Variants in TMEM63C observed in about 807,000 individuals in gnomAD.
TMEM63C encodes transmembrane protein 63C, also known as osmosensitive cation channel TMEM63C.
In TMEM63C, 32 loss-of-function variants were observed where a neutral mutation model predicts 99.2. The ratio of observed to expected loss-of-function variants is 0.32; its 90% CI spans 0.24 to 0.43. TMEM63C has a LOEUF of 0.43. Among genes scored for constraint, TMEM63C ranks in the 20% least tolerant of loss-of-function variants. The pLI, the probability that TMEM63C is intolerant of heterozygous loss-of-function variation, is 1.00. For synonymous variants in TMEM63C, 376 were observed against 397.9 expected, an observed-to-expected ratio of 0.94 and a Z score of 0.66; for missense variants, 826 against 1,053.0, an observed-to-expected ratio of 0.78 and a Z score of 2.98.
chr14:77,225,350 C>T (rs377468), intron 5 of TMEM63C, 74 bp from the exon 6 acceptor site: 306,264 of 1,485,186 alleles, frequency 0.21, 32,544 homozygotes, highest in South Asian at 0.22. Flanking sequence ...ATGACCTGGC[C>T]GCCTGGGTTC....
chr14:77,255,850 C>T (rs1889452082), intron 23 of TMEM63C, among the ~76,000 whole-genome samples: 1 of 152,236 alleles, frequency 6.6e-6, no homozygotes. Context: ...TGTAGGAAAA[C>T]CGTTCCTTCA....
chr14:77,183,369 G>T (rs1335675377), intron 1 of TMEM63C, among the ~76,000 whole-genome samples: 1 of 152,226 alleles, frequency 6.6e-6, no homozygotes, highest in Non-Finnish European at 1.5e-5. Flanking sequence ...AACAGCACCA[G>T]CATTTTCTCC....
chr14:77,197,955 C>T (rs1391210699), intron 1 of TMEM63C, among the ~76,000 whole-genome samples: 1 of 152,212 alleles, frequency 6.6e-6, no homozygotes, highest in African/African-American at 2.4e-5. Flanking sequence ...ATAGCCTGGC[C>T]AGGAGCGGAC....
intron 2 of TMEM63C, among the ~76,000 whole-genome samples, chr14:77,215,225 T>C (rs1594855902): frequency 6.6e-6 from 1 of 152,226 alleles, no homozygotes; most frequent in East Asian, 1.9e-4. Context: ...TCTACCTTTT[T>C]TTCCTGTCAC....
chr14:77,242,869 T>C, intron 14 of TMEM63C, 34 bp from the exon 15 acceptor site: 1 of 1,613,738 alleles, frequency 6.2e-7, no homozygotes, highest in Non-Finnish European at 8.5e-7. Flanking sequence ...AACTGATGTC[T>C]CTAAATGTGC....
intron 1 of TMEM63C, among the ~76,000 whole-genome samples, chr14:77,190,264 TG>T (rs1260126872): frequency 6.6e-6 from 1 of 152,100 alleles, no homozygotes; most frequent in Non-Finnish European, 1.5e-5. Flanking sequence ...CAATAATCAC[TG>T]AAGAAACTGA....
chr14:77,205,291 A>G (rs1217129795), intron 1 of TMEM63C, among the ~76,000 whole-genome samples: 1 of 152,222 alleles, frequency 6.6e-6, no homozygotes. Flanking sequence ...AGCTGATTCC[A>G]TCACAGCCTG....
At chr14:77,238,931 C>T (rs940842565) in intron 10 of TMEM63C, among the ~76,000 whole-genome samples, 164 bp downstream of exon 10, 15 of 152,114 alleles carry the variant, frequency 9.9e-5, no homozygotes, top group African/African-American at 2.2e-4. Context: ...TGGGGAGGGC[C>T]GCTGGAGCTG....
intron 1 of TMEM63C, among the ~76,000 whole-genome samples, chr14:77,199,226 G>A (rs189896146): frequency 1.4e-4 from 21 of 152,224 alleles, no homozygotes; most frequent in Admixed American, 4.6e-4. Context: ...TGAGAGGCCC[G>A]GGGGCTCAGA....
Position 77,200,906 on chromosome 14 carries a change from C to G in TMEM63C, c.-76-12540C>G, listed in dbSNP as rs917823536. 2.0e-5 allele frequency: 3 copies of G among 151,614 alleles called. No individual in the cohort carries two copies. The East Asian group carries it at 5.8e-4, about 29-fold the overall frequency. 9.4% of individuals were successfully genotyped at this position (151,614 alleles called of 1,614,324 possible). Reference sequence around the variant, plus strand: ...GGTGATGTGAGGACACAGGTGCTCTCGTGCTTCCAGAGTCTTAGCACAGCA... The same window carrying G: ...GGTGATGTGAGGACACAGGTGCTCTGGTGCTTCCAGAGTCTTAGCACAGCA... On this transcript the variant is annotated intron_variant, in intron 1 of 23. Coordinates refer to ENST00000298351, the MANE Select transcript of TMEM63C (RefSeq NM_020431.4).
At chr14:77,182,999 GC>G (rs1453810159) in intron 1 of TMEM63C, among the ~76,000 whole-genome samples, 1 of 152,072 alleles carries the variant, frequency 6.6e-6, no homozygotes, top group Non-Finnish European at 1.5e-5. Context: ...TCTCTCTCCG[GC>G]CCCTGTCCCT....
chr14:77,210,364 A>T (rs189852375), intron 1 of TMEM63C, among the ~76,000 whole-genome samples: 61 of 152,244 alleles, frequency 4.0e-4, no homozygotes, highest in Non-Finnish European at 4.0e-4. Flanking sequence ...GCCTTAAGCA[A>T]ATCTCCATGT....
intron 21 of TMEM63C, among the ~76,000 whole-genome samples, chr14:77,251,000 G>A (rs767749725): frequency 1.3e-5 from 2 of 152,182 alleles, no homozygotes; most frequent in Admixed American, 6.5e-5. Context: ...AACATTGAGA[G>A]GGAGCAGTTG....
chr14:77,229,291 G>A (rs540893912), intron 6 of TMEM63C, among the ~76,000 whole-genome samples: 16 of 152,022 alleles, frequency 1.1e-4, no homozygotes, highest in African/African-American at 3.1e-4. Flanking sequence ...CAGCTATTTG[G>A]GAGGCTGAGG....
At chr14:77,206,624 C>T (rs1307858789) in intron 1 of TMEM63C, among the ~76,000 whole-genome samples, 2 of 152,178 alleles carry the variant, frequency 1.3e-5, no homozygotes, top group African/African-American at 4.8e-5. Flanking sequence ...ACTGTGAGAG[C>T]TCAGTCCCTC....
intron 1 of TMEM63C, among the ~76,000 whole-genome samples, chr14:77,197,769 G>T (rs1261655606): frequency 6.6e-6 from 1 of 152,202 alleles, no homozygotes; most frequent in Non-Finnish European, 1.5e-5. Context: ...TCACTTTAAG[G>T]GCTTGAAGGC....
intron 1 of TMEM63C, among the ~76,000 whole-genome samples, chr14:77,188,266 A>T (rs994971122): frequency 6.6e-6 from 1 of 152,140 alleles, no homozygotes; most frequent in Non-Finnish European, 1.5e-5. Context: ...AAAGGACTTC[A>T]TCCTTTCACT....
chr14:77,203,681 C>T (rs1456645381), intron 1 of TMEM63C, among the ~76,000 whole-genome samples: 1 of 152,280 alleles, frequency 6.6e-6, no homozygotes, highest in African/African-American at 2.4e-5. Flanking sequence ...TCTTCAGCAC[C>T]TAGCTCGGGG....
In TMEM63C at chr14:77,256,908, A is replaced by C. The variant is rs554353659; in HGVS notation, c.*182A>C. ...GGGTCCTGACCTGCTGCCCGGCTGG[A>C]ACTGGGGGTGCTCGGCAGTGCTGAA... On this transcript the variant is annotated 3_prime_UTR_variant, in exon 24 of 24. Transcript: ENST00000298351. 4.8e-6 allele frequency: 3 copies of C among 620,462 alleles called. No individual in the cohort carries two copies. In the African/African-American group the frequency reaches 5.5e-5, roughly 11 times the overall value. 38.4% of individuals were successfully genotyped at this position (620,462 alleles called of 1,614,324 possible).
Sources: gnomAD v4.1 joint callset for allele counts (sites outside exome capture counted in the v4.1 genomes callset) on GRCh38, gnomAD v4.1.1 for gene constraint, MANE v1.5 for transcripts, NCBI Gene and HGNC (gene_info 2026-07-23, HGNC 2026-07-21) for gene names.